Variants in ARHGAP17 observed in about 807,000 individuals in gnomAD.
ARHGAP17 encodes the protein rho GTPase-activating protein 17.
Under a neutral mutation model 99.5 loss-of-function variants are expected in ARHGAP17, and 57 were observed. The observed-to-expected ratio is 0.57, with a 90% confidence interval of 0.46 to 0.71. The LOEUF is 0.71. ARHGAP17 is among the 30% of genes least tolerant of loss of function. The probability of loss-of-function intolerance (pLI) is 0.00; values close to 1 mark genes in which losing one functional copy is unlikely to be tolerated. For synonymous variants in ARHGAP17, 417 were observed against 429.6 expected (o/e 0.97, Z 0.36); for missense variants, 1,000 against 1,122.4 (o/e 0.89, Z 1.56).
intron 1 of ARHGAP17, among the ~76,000 whole-genome samples, chr16:25,000,678 T>A (rs56278661): frequency 6.6e-6 from 1 of 152,174 alleles, no homozygotes; most frequent in Non-Finnish European, 1.5e-5. Context: ...CCTTGTGACC[T>A]GCTAACCACC....
intron 19 of ARHGAP17, among the ~76,000 whole-genome samples, chr16:24,927,100 G>A (rs778916582): frequency 2.0e-5 from 3 of 152,018 alleles, no homozygotes; most frequent in Non-Finnish European, 2.9e-5. Flanking sequence ...GTGAAGCCCC[G>A]TCTCTACTAA....
intron 19 of ARHGAP17, among the ~76,000 whole-genome samples, chr16:24,923,684 C>T (rs1372470222): frequency 6.8e-6 from 1 of 147,702 alleles, no homozygotes; most frequent in Non-Finnish European, 1.5e-5. Flanking sequence ...CACCGCTGCA[C>T]TCTAGCCTGG....
intron 14 of ARHGAP17, among the ~76,000 whole-genome samples, chr16:24,944,837 C>T (rs1163913378): frequency 1.3e-5 from 2 of 151,696 alleles, no homozygotes; most frequent in African/African-American, 4.8e-5. Flanking sequence ...AGGATGGTCT[C>T]GATCTCCTGA....
intron 3 of ARHGAP17, among the ~76,000 whole-genome samples, chr16:24,971,871 G>T (rs926291633): frequency 6.6e-6 from 1 of 152,198 alleles, no homozygotes; most frequent in Non-Finnish European, 1.5e-5. Flanking sequence ...CCAGGGAGAC[G>T]CAGGAAAGTC....
At chr16:25,003,680 C>A (rs1019806444) in intron 1 of ARHGAP17, among the ~76,000 whole-genome samples, 1 of 151,434 alleles carries the variant, frequency 6.6e-6, no homozygotes. Flanking sequence ...AAAAATTAGC[C>A]GGGAGTGGTA....
At chr16:24,994,431 C>A (rs568582481) in intron 1 of ARHGAP17, among the ~76,000 whole-genome samples, 1 of 152,276 alleles carries the variant, frequency 6.6e-6, no homozygotes, top group African/African-American at 2.4e-5. Flanking sequence ...AGTCACTGAA[C>A]AAATATTTTC....
chr16:24,986,577 CA>C (rs1223008097), intron 1 of ARHGAP17, among the ~76,000 whole-genome samples: 1 of 152,214 alleles, frequency 6.6e-6, no homozygotes, highest in African/African-American at 2.4e-5. Context: ...CAGCCAGGCT[CA>C]TGCATTTGTG....
intron 18 of ARHGAP17, among the ~76,000 whole-genome samples, chr16:24,934,438 G>A (rs1026580720): frequency 3.9e-5 from 6 of 152,056 alleles, no homozygotes; most frequent in African/African-American, 1.4e-4. Context: ...TTACTGGTGT[G>A]AGCCACTGCG....
intron 18 of ARHGAP17, among the ~76,000 whole-genome samples, chr16:24,934,632 T>G (rs2051085512): frequency 6.6e-6 from 1 of 152,132 alleles, no homozygotes; most frequent in South Asian, 2.1e-4. Context: ...TTTTAAAATT[T>G]TTTTTGTAGA....
chr16:24,928,596 G>A (rs1172176434), intron 19 of ARHGAP17, among the ~76,000 whole-genome samples: 2 of 152,068 alleles, frequency 1.3e-5, no homozygotes, highest in African/African-American at 2.4e-5. Flanking sequence ...AATCGCACCC[G>A]GGCCTCCTCC....
rs67952203 is a variant in ARHGAP17 at position 24,961,911 on chromosome 16, T to TTATATATATATATATATATATATA, written c.574-1933_574-1932insTATATATATATATATATATATATA. ...TCAAATATAAATATACATAGGAATT[T>TTATATATATATATATATATATATA]TATATATATATATATATATGAAAAC... On this transcript the variant is annotated intron_variant, in intron 7 of 19. Transcript: ENST00000289968. Among the ~76,000 whole-genome samples, 318 of 129,922 alleles carry TTATATATATATATATATATATATA rather than the reference T, an allele frequency of 2.4e-3. 2 individuals carry two copies. The highest frequency in any genetic ancestry group is 9.4e-3 in the African/African-American group (293 of 31,266). 85.2% of individuals were successfully genotyped at this position (129,922 alleles called of 152,430 possible).
chr16:24,977,823 T>C (rs1343276935), intron 2 of ARHGAP17, among the ~76,000 whole-genome samples: 1 of 152,164 alleles, frequency 6.6e-6, no homozygotes. Context: ...ATTGCTAGAA[T>C]ATGGCTGTTT....
intron 1 of ARHGAP17, among the ~76,000 whole-genome samples, chr16:24,982,982 ATATATATATATATATTT>A (rs1319415307): frequency 8.3e-4 from 27 of 32,646 alleles, no homozygotes; most frequent in African/African-American, 3.5e-3. Flanking sequence ...ATATATATAT[ATATATATATATATATTT>A]TTTTTTTTTT....
chr16:24,949,483 C>T lies in ARHGAP17; in HGVS notation c.1048G>A (p.Val350Met). The T allele has an allele frequency of 6.2e-7, 1 of 1,612,338 alleles. No homozygotes were observed. Among genetic ancestry groups the T allele is most frequent in the Non-Finnish European group, 8.5e-7 (1 of 1,179,584 alleles). Reference sequence around the variant, plus strand: ...TGAAGTTTTTTGTCTTGATCCTGCACACTGAGAACAAAAACTTTTAAGTAC... The same window carrying T: ...TGAAGTTTTTTGTCTTGATCCTGCATACTGAGAACAAAAACTTTTAAGTAC... ...LYEEWTQVAS[V>M]QDQDKKLQDL... Residue 350 changes from valine to methionine, a missense_variant and splice_region_variant, in exon 13 of 20, where the codon GTG (valine) becomes ATG (methionine). By Grantham distance (21) the Val-to-Met change is conservative. Coordinates refer to ENST00000289968, the MANE Select transcript of ARHGAP17 (RefSeq NM_001006634.3).
chr16:24,969,766 T>C (rs1362356292), intron 4 of ARHGAP17, among the ~76,000 whole-genome samples: 1 of 152,134 alleles, frequency 6.6e-6, no homozygotes, highest in African/African-American at 2.4e-5. Flanking sequence ...GCCACCCTCC[T>C]CCCAGGGCCC....
intron 19 of ARHGAP17, among the ~76,000 whole-genome samples, chr16:24,925,783 T>A (rs954638199): frequency 3.9e-5 from 6 of 152,238 alleles, no homozygotes; most frequent in African/African-American, 1.4e-4. Context: ...CAAATAATTA[T>A]GCTCATGTAC....
intron 1 of ARHGAP17, among the ~76,000 whole-genome samples, chr16:25,014,235 A>G (rs1011514980): frequency 2.0e-5 from 3 of 152,216 alleles, no homozygotes. Flanking sequence ...TCAAAAGAAG[A>G]GCTGTGAGAA....
chr16:24,972,239 G>C (rs1002366086), intron 3 of ARHGAP17, among the ~76,000 whole-genome samples: 5 of 152,180 alleles, frequency 3.3e-5, no homozygotes, highest in African/African-American at 1.2e-4. Context: ...GGTGCCTGGG[G>C]AAATGGGCTA....
intron 19 of ARHGAP17, among the ~76,000 whole-genome samples, chr16:24,929,855 T>C (rs968890386): frequency 6.6e-6 from 1 of 152,192 alleles, no homozygotes; most frequent in African/African-American, 2.4e-5. Flanking sequence ...CTTGGCACAT[T>C]TTTAGCTGCA....
Sources: gnomAD v4.1 joint callset for allele counts (sites outside exome capture counted in the v4.1 genomes callset) on GRCh38, gnomAD v4.1.1 for gene constraint, MANE v1.5 for transcripts, NCBI Gene and HGNC (gene_info 2026-07-23, HGNC 2026-07-21) for gene names.